KCTD8: variants seen among roughly 807,000 people sequenced by gnomAD.
The protein encoded by KCTD8 is potassium channel tetramerization domain containing 8, also known as BTB/POZ domain-containing protein KCTD8.
In KCTD8, 27 loss-of-function variants were observed where a neutral mutation model predicts 31.5. The observed-to-expected ratio is 0.86, with a 90% CI of 0.63 to 1.18. The LOEUF (loss-of-function observed/expected upper bound fraction) is 1.18, where lower values mean the gene tolerates loss of function less well. Ranked by LOEUF, KCTD8 falls within the 50% of genes most tolerant of loss-of-function variation. The pLI is 0.00. For missense variants in KCTD8, 658 were observed against 647.7 expected, an observed-to-expected ratio of 1.02 and a Z score of -0.17; for synonymous variants, 290 against 280.0, an observed-to-expected ratio of 1.04 and a Z score of -0.36.
intron 1 of KCTD8, among the ~76,000 whole-genome samples, chr4:44,420,978 A>T (rs946751034): frequency 1.4e-5 from 2 of 146,738 alleles, no homozygotes; most frequent in Non-Finnish European, 3.0e-5. Context: ...AAGAGAGATT[A>T]AAAAAAAAAG....
chr4:44,405,341 T>C (rs1720767192), intron 1 of KCTD8, among the ~76,000 whole-genome samples: 1 of 152,148 alleles, frequency 6.6e-6, no homozygotes, highest in African/African-American at 2.4e-5. Context: ...CACTGCAATC[T>C]TGGCCTCCTG....
intron 1 of KCTD8, among the ~76,000 whole-genome samples, chr4:44,386,919 A>G (rs1357832301): frequency 6.6e-6 from 1 of 151,432 alleles, no homozygotes; most frequent in African/African-American, 2.4e-5. Flanking sequence ...ATTCAAACAG[A>G]AACAGAGGAA....
chr4:44,407,450 G>A (rs1359072359), intron 1 of KCTD8, among the ~76,000 whole-genome samples: 5 of 149,578 alleles, frequency 3.3e-5, no homozygotes, highest in African/African-American at 9.9e-5. Context: ...GCAATAGTGC[G>A]ATCTCGGCTC....
intron 1 of KCTD8, among the ~76,000 whole-genome samples, chr4:44,409,021 T>C (rs562409282): frequency 8.5e-4 from 129 of 151,574 alleles, no homozygotes; most frequent in Admixed American, 1.9e-3. Flanking sequence ...GGTGGGAGGA[T>C]TGTTTGTGTC....
intron 1 of KCTD8, among the ~76,000 whole-genome samples, chr4:44,301,371 A>G (rs1300699918): frequency 6.6e-6 from 1 of 152,116 alleles, no homozygotes; most frequent in Non-Finnish European, 1.5e-5. Context: ...CATCCTCTCC[A>G]GCACCTGTTG....
chr4:44,259,302 T>C (rs940622374), intron 1 of KCTD8, among the ~76,000 whole-genome samples: 9 of 151,902 alleles, frequency 5.9e-5, no homozygotes, highest in African/African-American at 1.9e-4. Flanking sequence ...TCCTCCATCA[T>C]GAGGAAATAA....
chr4:44,278,045 T>G (rs1716800003), intron 1 of KCTD8, among the ~76,000 whole-genome samples: 1 of 151,998 alleles, frequency 6.6e-6, no homozygotes, highest in Admixed American at 6.6e-5. Flanking sequence ...TTTAATAGTT[T>G]CTTTTAGTCT....
At chr4:44,434,546 A>C (rs1469599565) in intron 1 of KCTD8, among the ~76,000 whole-genome samples, 2 of 151,824 alleles carry the variant, frequency 1.3e-5, no homozygotes, top group East Asian at 3.9e-4. Context: ...GTCTATACTC[A>C]CCCATCACAC....
In KCTD8 at chr4:44,379,392, G is replaced by A. The variant is rs567036692; in HGVS notation, c.961+68171C>T. Among the ~76,000 whole-genome samples, 4 of 152,194 alleles carry A rather than the reference G, an allele frequency of 2.6e-5. No individual in the cohort carries two copies. The East Asian group carries it at 7.8e-4, about 29-fold the overall frequency. On this transcript the variant is annotated intron_variant, in intron 1 of 1. Transcript: ENST00000360029. The stretch of plus-strand genomic sequence containing the variant: ...GAAGTGAACACACCTTGGAATTAGA[G>A]CGCACCAAGTGATAGACTACTGAGA...
chr4:44,232,807 A>T (rs2109353195), intron 1 of KCTD8, among the ~76,000 whole-genome samples: 1 of 152,132 alleles, frequency 6.6e-6, no homozygotes, highest in Non-Finnish European at 1.5e-5. Context: ...AATATTATTT[A>T]TACTTATTTT....
intron 1 of KCTD8, among the ~76,000 whole-genome samples, chr4:44,388,444 G>A (rs1416110596): frequency 1.3e-5 from 2 of 151,864 alleles, no homozygotes; most frequent in Non-Finnish European, 2.9e-5. Flanking sequence ...GCAAAGACAT[G>A]GAATCAACCT....
rs73181659 is a variant in KCTD8 at position 44,214,042 on chromosome 4, A to G, written c.962-38792T>C. Among the ~76,000 whole-genome samples the G allele has an allele frequency of 9.4e-3, 1,438 of 152,240 alleles. 26 individuals are homozygous for G. The highest frequency in any genetic ancestry group is 0.033 in the African/African-American group (1,382 of 41,522). On this transcript the variant is annotated intron_variant, in intron 1 of 1. Transcript: ENST00000360029. ...TAACAATGCAACCTTTATTCACCAT[A>G]CATTTCTTCCCTTCACCTTCCCATA...
intron 1 of KCTD8, among the ~76,000 whole-genome samples, chr4:44,304,272 T>C (rs17599479): frequency 6.6e-6 from 1 of 152,018 alleles, no homozygotes; most frequent in African/African-American, 2.4e-5. Context: ...ACAGAAGAAT[T>C]GACATGTCTG....
intron 1 of KCTD8, among the ~76,000 whole-genome samples, chr4:44,301,908 A>C (rs1215441239): frequency 6.6e-6 from 1 of 152,152 alleles, no homozygotes; most frequent in Non-Finnish European, 1.5e-5. Context: ...GGTGTAAGGA[A>C]GGGATCCAGT....
rs541193610 is a variant in KCTD8 at position 44,328,478 on chromosome 4, C to A, written c.961+119085G>T. 1.4e-4 allele frequency among the ~76,000 whole-genome samples: 22 copies of A among 152,010 alleles called. No homozygotes were observed. In the South Asian group the frequency reaches 4.3e-3, roughly 30 times the overall value. On this transcript the variant is annotated intron_variant, in intron 1 of 1. Transcript: ENST00000360029. ...ACTTCGCCAATCCCAACGGCTCTAC[C>A]ACATGTATCTTTCCCTGGCTTAAAG...
chr4:44,357,334 A>G (rs1313347943), intron 1 of KCTD8, among the ~76,000 whole-genome samples: 1 of 152,106 alleles, frequency 6.6e-6, no homozygotes, highest in African/African-American at 2.4e-5. Context: ...CTTCTCTTCC[A>G]TCGTTACCAA....
rs149618532 is a variant in KCTD8 at position 44,214,630 on chromosome 4, A to G, written c.962-39380T>C. On this transcript the variant is annotated intron_variant, in intron 1 of 1. Transcript: ENST00000360029. ...ACTGAGAAGATTATGATGGTGAAAG[A>G]GATCTGACCTAACTGACCCCATGTT... 7.3e-3 allele frequency among the ~76,000 whole-genome samples: 1,107 copies of G among 152,328 alleles called. 10 individuals are homozygous for G. The highest frequency in any genetic ancestry group is 0.01 in the Middle Eastern group (3 of 294).
chr4:44,254,023 G>A (rs1715922179), intron 1 of KCTD8, among the ~76,000 whole-genome samples: 3 of 151,724 alleles, frequency 2.0e-5, no homozygotes, highest in Non-Finnish European at 4.4e-5. Context: ...TGTTATATGT[G>A]GTGGAAAATG....
chr4:44,443,071 T>C (rs1721854160), intron 1 of KCTD8, among the ~76,000 whole-genome samples: 1 of 152,230 alleles, frequency 6.6e-6, no homozygotes, highest in Non-Finnish European at 1.5e-5. Context: ...TTTGTCATTT[T>C]GTCTGCTTTA....
Sources: allele counts gnomAD v4.1 joint callset (sites outside exome capture counted in the v4.1 genomes callset), GRCh38; gene constraint gnomAD v4.1.1; transcripts MANE v1.5; gene names NCBI Gene and HGNC (gene_info 2026-07-23, HGNC 2026-07-21).